Variants in CIMIP2A observed in about 807,000 individuals in gnomAD.
CIMIP2A encodes the protein ciliary microtubule inner protein 2A, also known as family with sequence similarity 166 member A.
At chr9:137,245,200 C>A in the CIMIP2A span, 2 of 1,580,974 alleles carry the variant, frequency 1.3e-6, no homozygotes, top group Non-Finnish European at 1.7e-6. Flanking sequence ...GGGTACTCAT[C>A]CCTCTGGCAG....
the CIMIP2A span, among the ~76,000 whole-genome samples, chr9:137,248,186 G>A: frequency 6.6e-6 from 1 of 152,314 alleles, no homozygotes; most frequent in South Asian, 2.1e-4. Context: ...AGGGTGTTAT[G>A]TTTACATTTT....
the CIMIP2A span, among the ~76,000 whole-genome samples, chr9:137,254,361 G>A: frequency 6.6e-6 from 1 of 151,402 alleles, no homozygotes; most frequent in Non-Finnish European, 1.5e-5. Context: ...GAGAGCTGTG[G>A]TAGCCATGGC....
At chr9:137,244,327 G>T in the CIMIP2A span, 7 of 1,611,866 alleles carry the variant, frequency 4.3e-6, no homozygotes, top group Non-Finnish European at 5.1e-6. Context: ...TCCCTCCCCG[G>T]CAGGCAAACA....
chr9:137,245,080 C>T, the CIMIP2A span: 17 of 1,610,556 alleles, frequency 1.1e-5, no homozygotes, highest in Admixed American at 2.7e-4. Flanking sequence ...AGCCCAGGCC[C>T]ACACCCACCT....
At chr9:137,248,521 CCA>C in the CIMIP2A span, among the ~76,000 whole-genome samples, 405 of 136,692 alleles carry the variant, frequency 3.0e-3, 7 homozygotes, top group African/African-American at 0.01. Context: ...CCAGCCTGGG[CCA>C]CAGAGTGAGA....
the CIMIP2A span, among the ~76,000 whole-genome samples, chr9:137,246,461 T>C: frequency 0.013 from 1,989 of 152,292 alleles, 41 homozygotes; most frequent in African/African-American, 0.045. Flanking sequence ...AGAACTACCT[T>C]CGTCTTAAAA....
chr9:137,253,206 A>T, the CIMIP2A span: 1 of 1,608,812 alleles, frequency 6.2e-7, no homozygotes, highest in African/African-American at 1.3e-5. Flanking sequence ...GTGTACGCAG[A>T]CCCAAGCGCC....
the CIMIP2A span, chr9:137,244,913 G>T: frequency 2.5e-6 from 4 of 1,594,606 alleles, no homozygotes; most frequent in East Asian, 2.2e-5. Context: ...GCCTCGTCTT[G>T]GGAAAAGCTG....
At chr9:137,251,444 A>G in the CIMIP2A span, 6 of 1,351,662 alleles carry the variant, frequency 4.4e-6, no homozygotes, top group Admixed American at 1.1e-4. Flanking sequence ...GGGAGTGGCC[A>G]GGGGGCTGAG....
chr9:137,246,530 G>A, the CIMIP2A span, among the ~76,000 whole-genome samples: 1 of 152,164 alleles, frequency 6.6e-6, no homozygotes, highest in Non-Finnish European at 1.5e-5. Flanking sequence ...TTGGGAGGCT[G>A]AGGCGGGCGG....
the CIMIP2A span, chr9:137,253,561 T>C: frequency 7.5e-7 from 1 of 1,334,914 alleles, no homozygotes; most frequent in Non-Finnish European, 9.8e-7. Context: ...CATTTCCGGC[T>C]TTCCCTGTTG....
chr9:137,245,127 A>C, the CIMIP2A span: 1 of 1,599,056 alleles, frequency 6.3e-7, no homozygotes, highest in South Asian at 1.1e-5. Flanking sequence ...AGGGTGGTCC[A>C]GCTGCGGCAG....
chr9:137,253,239 G>T, the CIMIP2A span: 6 of 1,606,688 alleles, frequency 3.7e-6, no homozygotes, highest in Non-Finnish European at 5.1e-6. Flanking sequence ...CCTTCTGCAC[G>T]CTCTAGAGCC....
At chr9:137,252,767 C>G in the CIMIP2A span, 8 of 1,561,428 alleles carry the variant, frequency 5.1e-6, no homozygotes, top group South Asian at 9.4e-5. Context: ...CCACACCCAC[C>G]TAGGGCTGCC....
chr9:137,253,512 C>T, the CIMIP2A span: 252 of 1,420,244 alleles, frequency 1.8e-4, no homozygotes, highest in Non-Finnish European at 8.7e-5. Context: ...GTCTGTCCTT[C>T]ACCCGGGGGC....
the CIMIP2A span, among the ~76,000 whole-genome samples, chr9:137,248,558 AAAAG>A: frequency 3.4e-5 from 5 of 148,080 alleles, no homozygotes; most frequent in African/African-American, 1.0e-4. Context: ...AAAAAAAAAA[AAAAG>A]AAAGAAAGAA....
chr9:137,251,248 C>A, the CIMIP2A span: 1 of 1,345,344 alleles, frequency 7.4e-7, no homozygotes, highest in Non-Finnish European at 1.1e-6. Context: ...GGTCACAGAG[C>A]TCCGTGGTGC....
At chr9:137,250,499 C>G in the CIMIP2A span, 1 of 152,370 alleles carries the variant, frequency 6.6e-6, no homozygotes, top group African/African-American at 2.4e-5. Context: ...CGGAGGAGGG[C>G]CCCAAGTTGG....
the CIMIP2A span, chr9:137,244,065 T>C: frequency 8.3e-7 from 1 of 1,199,100 alleles, no homozygotes; most frequent in African/African-American, 1.5e-5. Context: ...ACCCTGGTAA[T>C]GGTCAGACAG....
Sources: gnomAD v4.1 joint callset for allele counts (sites outside exome capture counted in the v4.1 genomes callset) on GRCh38, gnomAD v4.1.1 for gene constraint, MANE v1.5 for transcripts, NCBI Gene and HGNC (gene_info 2026-07-23, HGNC 2026-07-21) for gene names.